The following REEP3 variants were observed in gnomAD, a reference collection of about 807,000 sequenced individuals.
The protein encoded by REEP3 is receptor accessory protein 3.
Under a neutral mutation model 41.3 loss-of-function variants are expected in REEP3, and 20 were observed. That is an observed-to-expected ratio of 0.48 (90% confidence interval 0.34 to 0.70). The LOEUF is 0.70. REEP3 is among the 30% of genes least tolerant of loss of function. The pLI is 0.01. For missense variants in REEP3, 271 were observed against 308.8 expected, an observed-to-expected ratio of 0.88 and a Z score of 0.92; for synonymous variants, 104 against 101.8, an observed-to-expected ratio of 1.02 and a Z score of -0.13.
At chr10:63,599,090 A>G (rs985064091) in intron 4 of REEP3, 80 bp from the exon 5 acceptor site, 1 of 686,088 alleles carries the variant, frequency 1.5e-6, no homozygotes, top group Non-Finnish European at 2.5e-6. Context: ...TAATGAAACT[A>G]TTATAGGGAG....
chr10:63,583,693 C>G lies in REEP3; in HGVS notation c.106-11085C>G, dbSNP rs1358730985. ...ATAACCAGTAGGATGGCTGTGTAGT[C>G]CAGTCTATATTTGAATAGTCTTTTT... On this transcript the variant is annotated intron_variant, in intron 2 of 7. Transcript: ENST00000373758. Among the ~76,000 whole-genome samples, 3 of 152,164 alleles carry G rather than the reference C, an allele frequency of 2.0e-5. No individual in the cohort carries two copies. In the East Asian group the frequency reaches 5.8e-4, roughly 29 times the overall value.
At chr10:63,592,598 A>T (rs1284036538) in intron 2 of REEP3, among the ~76,000 whole-genome samples, 3 of 152,178 alleles carry the variant, frequency 2.0e-5, no homozygotes, top group African/African-American at 7.2e-5. Context: ...ACTCTAAAAG[A>T]TAACCTTATG....
intron 1 of REEP3, among the ~76,000 whole-genome samples, chr10:63,557,567 C>T (rs984639628): frequency 6.6e-6 from 1 of 152,128 alleles, no homozygotes; most frequent in African/African-American, 2.4e-5. Context: ...AAAGAAGAAG[C>T]TCTCCAGGTG....
chr10:63,522,898 G>T (rs1319421869), intron 1 of REEP3, among the ~76,000 whole-genome samples: 1 of 151,712 alleles, frequency 6.6e-6, no homozygotes. Flanking sequence ...CCTTTTCCTG[G>T]CCTCTCTTTT....
intron 1 of REEP3, among the ~76,000 whole-genome samples, chr10:63,563,563 C>G (rs1955764947): frequency 6.6e-6 from 1 of 152,026 alleles, no homozygotes; most frequent in Admixed American, 6.5e-5. Context: ...AAAACAGCTG[C>G]TAAGAATAAG....
intron 1 of REEP3, among the ~76,000 whole-genome samples, chr10:63,528,982 CT>C (rs1281946612): frequency 1.3e-5 from 2 of 152,216 alleles, no homozygotes; most frequent in African/African-American, 2.4e-5. Flanking sequence ...TGAGAGAAGT[CT>C]TTTCTCTAAT....
intron 2 of REEP3, among the ~76,000 whole-genome samples, chr10:63,570,553 G>A (rs901348959): frequency 6.6e-6 from 1 of 152,050 alleles, no homozygotes; most frequent in African/African-American, 2.4e-5. Flanking sequence ...CAGGTATTAA[G>A]CCTAGTACCC....
intron 6 of REEP3, among the ~76,000 whole-genome samples, chr10:63,614,946 G>A (rs761741310): frequency 1.6e-4 from 24 of 152,234 alleles, no homozygotes; most frequent in South Asian, 6.2e-4. Flanking sequence ...TGTTCATCTC[G>A]TTGTTTATAA....
chr10:63,559,588 G>GT (rs1564478491), intron 1 of REEP3, among the ~76,000 whole-genome samples: 1 of 152,176 alleles, frequency 6.6e-6, no homozygotes, highest in Admixed American at 6.5e-5. Context: ...GAATTCTGGA[G>GT]TAAGAGTGCC....
chr10:63,588,390 G>A (rs1350074209), intron 2 of REEP3, among the ~76,000 whole-genome samples: 1 of 151,538 alleles, frequency 6.6e-6, no homozygotes, highest in Non-Finnish European at 1.5e-5. Context: ...TTAAATCCTT[G>A]AGAACATAAA....
At chr10:63,538,592 G>A (rs1955497200) in intron 1 of REEP3, among the ~76,000 whole-genome samples, 1 of 152,140 alleles carries the variant, frequency 6.6e-6, no homozygotes, top group Admixed American at 6.5e-5. Context: ...AAATTAGCTG[G>A]ATGTGGTGGC....
intron 1 of REEP3, among the ~76,000 whole-genome samples, chr10:63,539,261 C>A (rs1955504320): frequency 6.6e-6 from 1 of 151,968 alleles, no homozygotes; most frequent in South Asian, 2.1e-4. Context: ...TTATTAGGGT[C>A]TTATGTTTTG....
chr10:63,537,814 C>T (rs144085796), intron 1 of REEP3, among the ~76,000 whole-genome samples: 2 of 152,110 alleles, frequency 1.3e-5, no homozygotes, highest in South Asian at 2.1e-4. Flanking sequence ...TCTATGAAAT[C>T]GCCAGGCAGG....
intron 5 of REEP3, among the ~76,000 whole-genome samples, chr10:63,607,358 T>C (rs1589887463): frequency 6.6e-6 from 1 of 152,248 alleles, no homozygotes; most frequent in South Asian, 2.1e-4. Flanking sequence ...TGGGTATTGA[T>C]AATAGTAGCA....
intron 2 of REEP3, among the ~76,000 whole-genome samples, chr10:63,589,783 A>ATTTTT (rs1317265731): frequency 3.6e-5 from 3 of 82,570 alleles, no homozygotes; most frequent in Non-Finnish European, 7.8e-5. Context: ...ACAGCAGAAC[A>ATTTTT]TCTTTTTTTT....
chr10:63,548,694 A>G (rs1322744831), intron 1 of REEP3, among the ~76,000 whole-genome samples: 1 of 152,152 alleles, frequency 6.6e-6, no homozygotes, highest in African/African-American at 2.4e-5. Flanking sequence ...AGCAAAATGA[A>G]CAAAAATGTA....
chr10:63,594,830 C>T lies in REEP3; in HGVS notation c.158C>T (p.Thr53Ile), dbSNP rs1554807628. The T allele has an allele frequency of 1.2e-6, 2 of 1,611,882 alleles. No homozygotes were observed. Among genetic ancestry groups the T allele is most frequent in the Admixed American group, 1.7e-5 (1 of 60,008 alleles). ...IVFALYTVIE[T>I]VADQTVAWFP... Reference sequence around the variant, plus strand: ...TTTGCTCTCTATACTGTGATTGAAACAGTAGCCGATCAAACAGTTGCTTGG... The same window carrying T: ...TTTGCTCTCTATACTGTGATTGAAATAGTAGCCGATCAAACAGTTGCTTGG... Residue 53 changes from threonine to isoleucine, a missense_variant, in exon 3 of 8, where the codon ACA becomes ATA. By Grantham distance (89) the Thr-to-Ile change is moderately conservative. Coordinates refer to ENST00000373758, the MANE Select transcript of REEP3 (RefSeq NM_001001330.3).
chr10:63,590,305 T>C (rs1956049072), intron 2 of REEP3, among the ~76,000 whole-genome samples: 1 of 152,216 alleles, frequency 6.6e-6, no homozygotes, highest in Non-Finnish European at 1.5e-5. Context: ...TTTATGTTTC[T>C]ATTCCCATGC....
intron 5 of REEP3, among the ~76,000 whole-genome samples, chr10:63,608,633 C>T (rs1217014657): frequency 1.3e-5 from 2 of 152,176 alleles, no homozygotes; most frequent in Non-Finnish European, 2.9e-5. Context: ...TATTTTTAAT[C>T]TAGCTATAAA....
Sources: allele counts gnomAD v4.1 joint callset (sites outside exome capture counted in the v4.1 genomes callset), GRCh38; gene constraint gnomAD v4.1.1; transcripts MANE v1.5; gene names NCBI Gene and HGNC (gene_info 2026-07-23, HGNC 2026-07-21).